Variants in SLC25A48 observed in about 807,000 individuals in gnomAD.
SLC25A48 encodes the protein solute carrier family 25 member 48, also known as CTC-321K16.1.
In SLC25A48, 29 loss-of-function variants were observed where a neutral mutation model predicts 32.2. The ratio of observed to expected loss-of-function variants is 0.90; its 90% confidence interval spans 0.67 to 1.23. SLC25A48 has a LOEUF of 1.23. SLC25A48 is among the 50% of genes most tolerant of loss of function. The pLI is 0.00. For synonymous variants in SLC25A48, 164 were observed against 172.3 expected, an observed-to-expected ratio of 0.95 and a Z score of 0.38; for missense variants, 399 against 422.7, an observed-to-expected ratio of 0.94 and a Z score of 0.49.
intron 4 of SLC25A48, among the ~76,000 whole-genome samples, chr5:135,856,491 CA>C (rs2126754333): frequency 1.3e-5 from 2 of 152,314 alleles, no homozygotes; most frequent in East Asian, 3.9e-4. Context: ...CTGCCCAGGA[CA>C]GGGTCTGCAC....
At chr5:135,788,624 G>A (rs1580880572) in intron 3 of SLC25A48, among the ~76,000 whole-genome samples, 2 of 151,846 alleles carry the variant, frequency 1.3e-5, no homozygotes, top group East Asian at 3.9e-4. Context: ...AGGGCAGGGA[G>A]AGGGTGATAT....
rs529670005 is a variant in SLC25A48 at position 135,784,254 on chromosome 5, C to T, written c.-520-28269C>T. On this transcript the variant is annotated intron_variant, in intron 3 of 10. Transcript: ENST00000646290. ...AAGAGGATGATATTACTCCCAATAG[C>T]GCAGAGAGTGTACACCCCACCTGTG... Among the ~76,000 whole-genome samples the T allele has an allele frequency of 2.3e-4, 16 of 69,720 alleles. 7 individuals are homozygous for T. The East Asian group carries it at 2.3e-3, about 10-fold the overall frequency. The allele number at this position is 69,720 out of a possible 152,430, so 45.7% of individuals were successfully genotyped here.
At chr5:135,693,054 A>G (rs73285070) in intron 3 of SLC25A48, among the ~76,000 whole-genome samples, 33 of 152,302 alleles carry the variant, frequency 2.2e-4, no homozygotes, top group African/African-American at 7.9e-4. Flanking sequence ...TTTGGGATGC[A>G]TTTTCATTGG....
chr5:135,586,688 G>C (rs1255765073), intron 1 of SLC25A48, among the ~76,000 whole-genome samples: 5 of 152,196 alleles, frequency 3.3e-5, no homozygotes. Flanking sequence ...TTAAACAACT[G>C]CTATGGGATG....
chr5:135,689,245 C>T (rs1754088974), intron 3 of SLC25A48, among the ~76,000 whole-genome samples: 1 of 152,144 alleles, frequency 6.6e-6, no homozygotes, highest in Admixed American at 6.5e-5. Context: ...ATAGGGAGGC[C>T]TCATCCAAGT....
At chr5:135,650,569 A>ACAG in intron 3 of SLC25A48, 2 of 355,158 alleles carry the variant, frequency 5.6e-6, no homozygotes, top group South Asian at 4.1e-5. Context: ...TAAAAAAAAA[A>ACAG]CAACAACAGA....
At chr5:135,709,585 C>T (rs1380289413) in intron 3 of SLC25A48, among the ~76,000 whole-genome samples, 1 of 152,242 alleles carries the variant, frequency 6.6e-6, no homozygotes, top group Non-Finnish European at 1.5e-5. Flanking sequence ...CCGTGGACCA[C>T]ATCCCAGAGG....
chr5:135,714,940 T>C (rs1754757699), intron 3 of SLC25A48: 3 of 152,312 alleles, frequency 2.0e-5, no homozygotes, highest in Admixed American at 2.0e-4. Context: ...GGCAATGACA[T>C]GGAGAAAGGA....
chr5:135,776,217 C>A (rs1048506352), intron 3 of SLC25A48, among the ~76,000 whole-genome samples: 1 of 147,160 alleles, frequency 6.8e-6, no homozygotes, highest in Admixed American at 7.1e-5. Flanking sequence ...ATATTACTGT[C>A]AATATCTCAA....
chr5:135,634,853 T>C (rs801575), exon 3 of SLC25A48: 125,628 of 152,208 alleles, frequency 0.83, 51,970 homozygotes, highest in East Asian at 1. Context: ...ATAGCCACAT[T>C]GGGGAGAGTC....
intron 1 of SLC25A48, among the ~76,000 whole-genome samples, chr5:135,609,122 T>C (rs1012844694): frequency 3.3e-5 from 5 of 152,234 alleles, no homozygotes; most frequent in African/African-American, 1.2e-4. Context: ...CTCTGTGGCT[T>C]TGGGCTAGTT....
intron 4 of SLC25A48, among the ~76,000 whole-genome samples, chr5:135,861,947 C>T (rs1452344082): frequency 2.0e-5 from 3 of 152,242 alleles, no homozygotes; most frequent in African/African-American, 7.2e-5. Flanking sequence ...AGGTATTCTC[C>T]TGGGGCCTCT....
intron 3 of SLC25A48, among the ~76,000 whole-genome samples, chr5:135,710,966 T>G (rs907642332): frequency 6.6e-6 from 1 of 152,236 alleles, no homozygotes; most frequent in African/African-American, 2.4e-5. Flanking sequence ...AGGATATATT[T>G]GGGAAGCTTT....
intron 1 of SLC25A48, among the ~76,000 whole-genome samples, chr5:135,620,363 T>G (rs975634197): frequency 6.6e-6 from 1 of 151,864 alleles, no homozygotes; most frequent in Non-Finnish European, 1.5e-5. Context: ...GGCCACCCAG[T>G]GGTATATATG....
chr5:135,624,339 T>C (rs550999557), intron 1 of SLC25A48, among the ~76,000 whole-genome samples: 22 of 152,266 alleles, frequency 1.4e-4, no homozygotes, highest in African/African-American at 5.3e-4. Context: ...GGCAAAAATA[T>C]TTTAGGTTCT....
intron 4 of SLC25A48, among the ~76,000 whole-genome samples, chr5:135,853,520 CT>C (rs1342195812): frequency 6.6e-6 from 1 of 152,226 alleles, no homozygotes; most frequent in Non-Finnish European, 1.5e-5. Flanking sequence ...TAGATTTCAT[CT>C]GAAGAAAAAC....
chr5:135,854,435 T>A (rs1760145741), intron 4 of SLC25A48, among the ~76,000 whole-genome samples: 1 of 152,250 alleles, frequency 6.6e-6, no homozygotes, highest in Non-Finnish European at 1.5e-5. Flanking sequence ...ATCTTCTGGA[T>A]AACTTGCTGC....
intron 3 of SLC25A48, among the ~76,000 whole-genome samples, chr5:135,767,772 C>T (rs1280694052): frequency 6.6e-6 from 1 of 151,288 alleles, no homozygotes; most frequent in Non-Finnish European, 1.5e-5. Flanking sequence ...CGTAAACACC[C>T]TGTGTGTACT....
intron 3 of SLC25A48, among the ~76,000 whole-genome samples, chr5:135,639,971 C>T (rs554656104): frequency 1.3e-5 from 2 of 152,166 alleles, no homozygotes; most frequent in South Asian, 4.1e-4. Flanking sequence ...CATAAGGCAA[C>T]CCAGATGTTG....
Sources: gnomAD v4.1 joint callset for allele counts (sites outside exome capture counted in the v4.1 genomes callset) on GRCh38, gnomAD v4.1.1 for gene constraint, MANE v1.5 for transcripts, NCBI Gene and HGNC (gene_info 2026-07-23, HGNC 2026-07-21) for gene names.